Variants in SLX4 observed in about 807,000 individuals in gnomAD.
The protein encoded by SLX4 is SLX4 structure-specific endonuclease subunit.
In SLX4, 112 loss-of-function variants were observed where a neutral mutation model predicts 146.2. The ratio of observed to expected loss-of-function variants is 0.77; its 90% CI spans 0.66 to 0.90. The LOEUF (loss-of-function observed/expected upper bound fraction) is 0.90, where lower values mean the gene tolerates loss of function less well. SLX4 is among the 40% of genes least tolerant of loss of function. The probability of loss-of-function intolerance (pLI) is 0.00; values close to 1 mark genes in which losing one functional copy is unlikely to be tolerated. For missense variants in SLX4, 2,563 were observed against 2,392.7 expected (o/e 1.07, Z -1.49); for synonymous variants, 1,061 against 997.7 (o/e 1.06, Z -1.20).
At position 3,600,974 on chromosome 16, in the gene SLX4, C is replaced by A. The variant is rs762454252; in HGVS notation, c.1163+5G>T. 3.7e-6 allele frequency: 6 copies of A among 1,613,348 alleles called. No individual in the cohort carries two copies. The Admixed American group carries it at 1.0e-4, about 27-fold the overall frequency. ...GCTTGGTTTTCTTCCTTTTCGTCGA[C>A]TTACCTGAACATGGGTGGGCTGCTG... On this transcript the variant is annotated splice_donor_5th_base_variant and intron_variant, in intron 5 of 14. Transcript: ENST00000294008.
chr16:3,588,871 C>CGGAAG, intron 12 of SLX4, 131 bp downstream of exon 12: 1 of 1,134,744 alleles, frequency 8.8e-7, no homozygotes, highest in South Asian at 1.2e-5. Context: ...TGGAAGGCAG[C>CGGAAG]GGAAGTGTCA....
At chr16:3,608,112 G>A (rs576745945) in intron 2 of SLX4, among the ~76,000 whole-genome samples, 1 of 152,308 alleles carries the variant, frequency 6.6e-6, no homozygotes, top group East Asian at 1.9e-4. Flanking sequence ...TTGAGTCCAG[G>A]AGTTCAAGAC....
At chr16:3,592,107 G>T (rs2040600540) in intron 11 of SLX4, among the ~76,000 whole-genome samples, 1 of 152,270 alleles carries the variant, frequency 6.6e-6, no homozygotes, top group African/African-American at 2.4e-5. Context: ...TGAAGGCTCT[G>T]TGGCCCGTCA....
chr16:3,605,972 G>C (rs1319245518), intron 3 of SLX4, among the ~76,000 whole-genome samples: 1 of 123,572 alleles, frequency 8.1e-6, no homozygotes, highest in Admixed American at 8.5e-5. Context: ...AAAAAAAAAG[G>C]AAGAGGGCCA....
chr16:3,605,999 C>T (rs1185140723), intron 3 of SLX4, among the ~76,000 whole-genome samples: 2 of 148,554 alleles, frequency 1.3e-5, no homozygotes, highest in Non-Finnish European at 3.0e-5. Flanking sequence ...ATGGTTCACG[C>T]CTGTAATCCC....
At position 3,606,580 on chromosome 16, in the gene SLX4, T is replaced by C. The variant is rs1205682641; in HGVS notation, c.654A>G (p.Arg218=). 1 of 1,614,156 alleles carries C rather than the reference T, an allele frequency of 6.2e-7. No homozygotes were observed. Among genetic ancestry groups the C allele is most frequent in the African/African-American group, 1.3e-5 (1 of 75,038 alleles). The change falls in exon 3 of 15, where the codon AGA becomes AGG. Residue 218 remains arginine (R), a synonymous_variant. Transcript: ENST00000294008. ...LVLQRMQQFK[R]ADPERLRHAS... ...CGTGTCTCAAACGCTCGGGGTCTGC[T>C]CTCTTGAACTGCTGCATTCGCTGTA...
rs1024805792 is a variant in SLX4 at position 3,597,024 on chromosome 16, T to C, written c.1683+355A>G. ...TCTTAGTAGAGATGGGGTTTCACCA[T>C]ATTAGCCAGGCTGGTCTCGAACTCC... On this transcript the variant is annotated intron_variant, in intron 7 of 14. Coordinates refer to ENST00000294008, the MANE Select transcript of SLX4 (RefSeq NM_032444.4). This position sits in a 1 kb window ranked among gnomAD's most constrained non-coding sequence, Gnocchi z 4.4. 4.6e-5 allele frequency among the ~76,000 whole-genome samples: 7 copies of C among 152,128 alleles called. No individual in the cohort carries two copies. Among genetic ancestry groups the C allele is most frequent in the Non-Finnish European group, 8.8e-5 (6 of 68,020 alleles).
Position 3,609,003 on chromosome 16 carries a change from G to A in SLX4, c.-39C>T. The A allele has an allele frequency of 6.3e-7, 1 of 1,598,526 alleles. No homozygotes were observed. The highest frequency in any genetic ancestry group is 1.1e-5 in the South Asian group (1 of 90,460). ...TACTTCTCCATTAGATACTTGGAGAGTTTGCACAATTGAACAAAAAGTACT... is the reference window on the plus strand; with the variant it reads ...TACTTCTCCATTAGATACTTGGAGAATTTGCACAATTGAACAAAAAGTACT... On this transcript the variant is annotated 5_prime_UTR_variant, in exon 2 of 15. Coordinates refer to ENST00000294008, the MANE Select transcript of SLX4 (RefSeq NM_032444.4).
At chr16:3,592,940 T>C (rs1384753333) in intron 10 of SLX4, 75 bp from the exon 11 acceptor site, 2 of 1,457,872 alleles carry the variant, frequency 1.4e-6, no homozygotes, top group Non-Finnish European at 1.8e-6. Flanking sequence ...CGGTCTGGGG[T>C]GTCCTGCAAG....
Position 3,594,518 on chromosome 16 carries a change from T to C in SLX4, c.2095A>G (p.Ser699Gly). Residue 699 changes from serine to glycine, a missense_variant, in exon 10 of 15, where the codon AGC becomes GGC. Physicochemically the swap from Ser to Gly is moderately conservative, Grantham distance 56 (BLOSUM62 0). Coordinates refer to ENST00000294008, the MANE Select transcript of SLX4 (RefSeq NM_032444.4). ...HLSDVQFQTD[S>G]GEVLYAHKFV... ...TTGTGGGCGTAAAGCACCTCCCCGC[T>C]GTCCGTCTGAAACTGGACATCACTC... 1.2e-6 allele frequency: 2 copies of C among 1,614,134 alleles called. No homozygotes were observed. Among genetic ancestry groups the C allele is most frequent in the Non-Finnish European group, 1.7e-6 (2 of 1,180,010 alleles).
At position 3,583,089 on chromosome 16, in the gene SLX4, C is replaced by T. The variant is rs1238786452; in HGVS notation, c.5153+8G>A. 1 of 1,614,250 alleles carries T rather than the reference C, an allele frequency of 6.2e-7. No homozygotes were observed. Among genetic ancestry groups the T allele is most frequent in the Non-Finnish European group, 8.5e-7 (1 of 1,180,040 alleles). On this transcript the variant is annotated splice_region_variant and intron_variant, in intron 14 of 14. Coordinates refer to ENST00000294008, the MANE Select transcript of SLX4 (RefSeq NM_032444.4). ...AGGCCACTGACCCCATCGCATCCAT[C>T]CGGTTACCTCTGTGAGCTCAAGGAG...
chr16:3,596,054 G>A lies in SLX4; in HGVS notation c.1924+99C>T, dbSNP rs113684042. 2,464 of 1,469,000 alleles carry A rather than the reference G, an allele frequency of 1.7e-3. 31 individuals are homozygous for A. The African/African-American group carries it at 0.03, about 18-fold the overall frequency. The allele number at this position is 1,469,000 out of a possible 1,614,324, so 91.0% of individuals were successfully genotyped here. A position where few individuals can be genotyped will look rare whatever the true frequency, so the allele number is the denominator to read the frequency against. On this transcript the variant is annotated intron_variant, in intron 8 of 14. Transcript: ENST00000294008. Reference sequence around the variant, plus strand: ...GTTCTCCCACCAGGTCAGAGCTGCCGTCGCGGCGGCACAAGAGCCAGTCCA... The same window carrying A: ...GTTCTCCCACCAGGTCAGAGCTGCCATCGCGGCGGCACAAGAGCCAGTCCA...
chr16:3,590,588 T>G lies in SLX4; in HGVS notation c.3050A>C (p.Glu1017Ala), dbSNP rs575512856. The G allele has an allele frequency of 6.2e-7, 1 of 1,613,540 alleles. No individual in the cohort carries two copies. Among genetic ancestry groups the G allele is most frequent in the Admixed American group, 1.7e-5 (1 of 60,020 alleles). ...QSGAVRERGLEVSHRLAPWQA... is the reference protein window; with the variant it reads ...QSGAVRERGLAVSHRLAPWQA... Reference sequence around the variant, plus strand: ...CCAGGGAGCCAGGCGATGAGAAACCTCCAGCCCCCTTTCCCTGACAGCGCC... The same window carrying G: ...CCAGGGAGCCAGGCGATGAGAAACCGCCAGCCCCCTTTCCCTGACAGCGCC... The change falls in exon 12 of 15, where the codon GAG becomes GCG. Residue 1017 changes from glutamate to alanine, a missense_variant. Transcript: ENST00000294008. This position sits in a 1 kb window ranked among gnomAD's most constrained non-coding sequence, Gnocchi z 4.8.
Position 3,609,026 on chromosome 16 carries a change from ACT to A in SLX4, c.-64_-63del. ...GAGTTTGCACAATTGAACAAAAAGT[ACT>A]GTTTTCCTCTCTATAATGATTGAAG... On this transcript the variant is annotated 5_prime_UTR_variant, in exon 2 of 15. It removes the in-frame stop codon of an upstream open reading frame in the 5' UTR. Transcript: ENST00000294008. The A allele has an allele frequency of 1.3e-6, 2 of 1,557,722 alleles. No individual in the cohort carries two copies. The highest frequency in any genetic ancestry group is 1.7e-6 in the Non-Finnish European group (2 of 1,146,036).
chr16:3,588,916 C>T (rs1596519408), intron 12 of SLX4, 86 bp downstream of exon 12: 1 of 1,559,774 alleles, frequency 6.4e-7, no homozygotes, highest in Admixed American at 1.7e-5. Flanking sequence ...AGGGCAGCCC[C>T]TGGGTCTCAT....
Position 3,597,109 on chromosome 16 carries a change from C to G in SLX4, c.1683+270G>C, listed in dbSNP as rs1231320727. ...GTGCAGGGATTACGGGCGTGAGCCA[C>G]TGCGCCCGGCCGGGACTCTGCATTT... On this transcript the variant is annotated intron_variant, in intron 7 of 14. Transcript: ENST00000294008. The surrounding 1 kb of genome is among the most constrained non-coding windows in gnomAD (Gnocchi z 4.4). Among the ~76,000 whole-genome samples the G allele has an allele frequency of 6.6e-6, 1 of 152,206 alleles. No homozygotes were observed. The highest frequency in any genetic ancestry group is 2.4e-5 in the African/African-American group (1 of 41,460).
chr16:3,582,084 G>GAGC lies in SLX4; in HGVS notation c.*255_*257dup. 5.2e-6 allele frequency: 3 copies of GAGC among 574,984 alleles called. No individual in the cohort carries two copies. In the South Asian group the frequency reaches 6.5e-5, roughly 13 times the overall value. 35.6% of individuals were successfully genotyped at this position (574,984 alleles called of 1,614,324 possible). ...AAAACCAAAAAGGGAGACACACTGT[G>GAGC]AGCACGGACAGAGGAAGGGGCTGGA... On this transcript the variant is annotated 3_prime_UTR_variant, in exon 15 of 15. Transcript: ENST00000294008.
At chr16:3,584,647 C>T in intron 13 of SLX4, 122 bp downstream of exon 13, 2 of 814,234 alleles carry the variant, frequency 2.5e-6, no homozygotes, top group Non-Finnish European at 4.4e-6. Flanking sequence ...AAGCCCAGGC[C>T]AGCTGCATCC....
In SLX4 at chr16:3,597,774, GTCAC is replaced by G; in HGVS notation, c.1366+19_1366+22del. The G allele has an allele frequency of 1.2e-6, 2 of 1,614,070 alleles. No homozygotes were observed. Among genetic ancestry groups the G allele is most frequent in the Non-Finnish European group, 1.7e-6 (2 of 1,180,004 alleles). ...GGACCTGCTGATGGCCTCTCCCAGG[GTCAC>G]TCTTCTGATCACACAAACCTGCTTC... On this transcript the variant is annotated intron_variant, in intron 6 of 14. Transcript: ENST00000294008. This position sits in a 1 kb window ranked among gnomAD's most constrained non-coding sequence, Gnocchi z 4.4.
Sources: allele counts gnomAD v4.1 joint callset (sites outside exome capture counted in the v4.1 genomes callset), GRCh38; gene constraint gnomAD v4.1.1; non-coding constraint Gnocchi (gnomAD v3.1); transcripts MANE v1.5; gene names NCBI Gene and HGNC (gene_info 2026-07-23, HGNC 2026-07-21).